TEDC2: variants seen among roughly 807,000 people sequenced by gnomAD.
The protein encoded by TEDC2 is tubulin epsilon and delta complex protein 2.
In TEDC2, 49 loss-of-function variants were observed where a neutral mutation model predicts 48.1. That is an observed-to-expected ratio of 1.02 (90% CI 0.81 to 1.29). TEDC2 has a LOEUF of 1.29. Ranked by LOEUF, TEDC2 falls within the 50% of genes most tolerant of loss-of-function variation. The probability of loss-of-function intolerance (pLI) is 0.00; values close to 1 mark genes in which losing one functional copy is unlikely to be tolerated. For missense variants in TEDC2, 631 were observed against 571.4 expected (o/e 1.10, Z -1.06); for synonymous variants, 299 against 247.1 (o/e 1.21, Z -1.97).
chr16:2,464,083 C>T lies in TEDC2; in HGVS notation c.1009C>T (p.Pro337Ser), dbSNP rs1482287033. 6.2e-6 allele frequency: 10 copies of T among 1,612,844 alleles called. No individual in the cohort carries two copies. Among genetic ancestry groups the T allele is most frequent in the Non-Finnish European group, 7.6e-6 (9 of 1,180,000 alleles). Residue 337 changes from proline (P) to serine (S), a missense_variant, in exon 9 of 10, where the codon CCC becomes TCC. By Grantham distance (74) the Pro-to-Ser change is moderately conservative. Coordinates refer to ENST00000361837, the MANE Select transcript of TEDC2 (RefSeq NM_025108.3). ...PPRPCPVGRP[P>S]GASPSCGGRA... is the part of the protein sequence containing the mutation. ...AAGACCATGTCCTGTGGGGAGGCCC[C>T]CCGGAGCCTCGCCGTCCTGTGGGGG...
rs2065490775 is a variant in TEDC2 at position 2,464,839 on chromosome 16, C to T, written c.*171C>T. 1.1e-6 allele frequency: 1 copy of T among 938,210 alleles called. No homozygotes were observed. The highest frequency in any genetic ancestry group is 2.7e-5 in the Admixed American group (1 of 36,380). The allele number at this position is 938,210 out of a possible 1,614,324, so 58.1% of individuals were successfully genotyped here. On this transcript the variant is annotated 3_prime_UTR_variant, in exon 10 of 10. Coordinates refer to ENST00000361837, the MANE Select transcript of TEDC2 (RefSeq NM_025108.3). ...AACTAAGCCTGCTGGTCAGGGCTGG[C>T]TTTCAGCCTTCCTAAGGCTCCTGGA...
Position 2,460,112 on chromosome 16 carries a change from G to A in TEDC2, c.-33G>A, listed in dbSNP as rs982787748. 4.5e-6 allele frequency: 6 copies of A among 1,347,848 alleles called. No individual in the cohort carries two copies. In the African/African-American group the frequency reaches 6.2e-5, roughly 14 times the overall value. The allele number at this position is 1,347,848 out of a possible 1,614,324, so 83.5% of individuals were successfully genotyped here. ...CCCGGAAGGGGCGTGGCTCTTCAGAGGCGGCAAATTGCAAGGAGACGCCGC... is the reference window on the plus strand; with the variant it reads ...CCCGGAAGGGGCGTGGCTCTTCAGAAGCGGCAAATTGCAAGGAGACGCCGC... On this transcript the variant is annotated 5_prime_UTR_variant, in exon 1 of 10. Transcript: ENST00000361837.
chr16:2,462,481 G>A lies in TEDC2; in HGVS notation c.817G>A (p.Ala273Thr), dbSNP rs369223580. Residue 273 changes from alanine (A) to threonine (T), a missense_variant, in exon 7 of 10, where the codon GCC (alanine) becomes ACC (threonine). By Grantham distance (58) the Ala-to-Thr change is moderately conservative (BLOSUM62 0). Transcript: ENST00000361837. ...VEAEAGRLRKACSLLRLRMRE... is the reference protein window; with the variant it reads ...VEAEAGRLRKTCSLLRLRMRE... Reference sequence around the variant, plus strand: ...GGCGGAGGCGGGGCGCCTGCGGAAGGCCTGCTCGCTGCTGAGACTGCGCAT... The same window carrying A: ...GGCGGAGGCGGGGCGCCTGCGGAAGACCTGCTCGCTGCTGAGACTGCGCAT... 27 of 1,610,236 alleles carry A rather than the reference G, an allele frequency of 1.7e-5. No homozygotes were observed. In the African/African-American group the frequency reaches 1.9e-4, roughly 11 times the overall value.
At chr16:2,464,306 C>A in intron 9 of TEDC2, 77 bp downstream of exon 9, 1 of 1,519,980 alleles carries the variant, frequency 6.6e-7, no homozygotes, top group Non-Finnish European at 8.9e-7. Context: ...CTTGACTGCT[C>A]CACCCCCCAG....
At chr16:2,464,497 T>C in intron 9 of TEDC2, 25 bp from the exon 10 acceptor site, 1 of 1,534,586 alleles carries the variant, frequency 6.5e-7, no homozygotes, top group Non-Finnish European at 8.7e-7. Flanking sequence ...CCTGAGACCT[T>C]GGCCCTGCCC....
chr16:2,462,413 A>G lies in TEDC2; in HGVS notation c.751-2A>G. On this transcript the variant is annotated splice_acceptor_variant, in intron 6 of 9. Coordinates refer to ENST00000361837, the MANE Select transcript of TEDC2 (RefSeq NM_025108.3). LOFTEE classifies it high-confidence loss of function. ...AGGGAAGTTTTCCTGACCCATATCC[A>G]GTCAGGCGGGCCCCAGCCCAGGCTC... 6.2e-7 allele frequency: 1 copy of G among 1,611,984 alleles called. No individual in the cohort carries two copies. Among genetic ancestry groups the G allele is most frequent in the Non-Finnish European group, 8.5e-7 (1 of 1,179,738 alleles).
In TEDC2 at chr16:2,460,278, C is replaced by T; in HGVS notation, c.27-5C>T. The T allele has an allele frequency of 1.3e-6, 2 of 1,524,866 alleles. No individual in the cohort carries two copies. The highest frequency in any genetic ancestry group is 1.2e-5 in the South Asian group (1 of 82,794). 94.5% of individuals were successfully genotyped at this position (1,524,866 alleles called of 1,614,324 possible). On this transcript the variant is annotated splice_polypyrimidine_tract_variant and splice_region_variant and intron_variant, in intron 1 of 9. Transcript: ENST00000361837. ...GAGGTGCTGAGCCGCCGGTGCGTCCCCCAGGCTGGTGGCCGAGCTGCAGGG... is the reference window on the plus strand; with the variant it reads ...GAGGTGCTGAGCCGCCGGTGCGTCCTCCAGGCTGGTGGCCGAGCTGCAGGG...
chr16:2,464,075 G>A lies in TEDC2; in HGVS notation c.1001G>A (p.Gly334Glu). The stretch of plus-strand genomic sequence containing the variant: ...CAGCCACCAAGACCATGTCCTGTGG[G>A]GAGGCCCCCCGGAGCCTCGCCGTCC... ...AEQPPRPCPV[G>E]RPPGASPSCG... is the part of the protein sequence containing the mutation. The change falls in exon 9 of 10, where the codon GGG (glycine) becomes GAG (glutamate). Residue 334 changes from glycine to glutamate, a missense_variant. Gly to Glu is a moderately conservative substitution (Grantham distance 98, BLOSUM62 -2). Coordinates refer to ENST00000361837, the MANE Select transcript of TEDC2 (RefSeq NM_025108.3). 6.2e-7 allele frequency: 1 copy of A among 1,612,854 alleles called. No homozygotes were observed. The highest frequency in any genetic ancestry group is 8.5e-7 in the Non-Finnish European group (1 of 1,179,992).
At chr16:2,462,052 C>T (rs2065470178) in intron 5 of TEDC2, 97 bp from the exon 6 acceptor site, 1 of 1,386,180 alleles carries the variant, frequency 7.2e-7, no homozygotes, top group Admixed American at 1.9e-5. Context: ...CTGGGGTCCC[C>T]ACCCTGGCCC....
Position 2,460,184 on chromosome 16 carries a change from G to T in TEDC2, c.26+14G>T. 7.2e-7 allele frequency: 1 copy of T among 1,396,356 alleles called. No individual in the cohort carries two copies. Among genetic ancestry groups the T allele is most frequent in the Non-Finnish European group, 9.2e-7 (1 of 1,087,824 alleles). The allele number at this position is 1,396,356 out of a possible 1,614,324, so 86.5% of individuals were successfully genotyped here. On this transcript the variant is annotated intron_variant, in intron 1 of 9. Coordinates refer to ENST00000361837, the MANE Select transcript of TEDC2 (RefSeq NM_025108.3). ...CTGCTCGCGCCGGTGAGGCCTGCGC[G>T]GCAGGAGGGGGTGGGAGGATGCGGG...
rs752138630 is a variant in TEDC2, at chr16:2,462,131, C to T, written c.660-18C>T. 7 of 1,605,928 alleles carry T rather than the reference C, an allele frequency of 4.4e-6. No individual in the cohort carries two copies. The highest frequency in any genetic ancestry group is 2.2e-5 in the South Asian group (2 of 90,954). Reference sequence around the variant, plus strand: ...GTCCCTCTGTGGTTCCTCTGTGCACCCCACGTGTGCACCCCAGCCTGTGGG... The same window carrying T: ...GTCCCTCTGTGGTTCCTCTGTGCACTCCACGTGTGCACCCCAGCCTGTGGG... On this transcript the variant is annotated intron_variant, in intron 5 of 9. Coordinates refer to ENST00000361837, the MANE Select transcript of TEDC2 (RefSeq NM_025108.3).
At chr16:2,463,852 C>T (rs923984509) in intron 8 of TEDC2, 187 bp from the exon 9 acceptor site, 1 of 620,956 alleles carries the variant, frequency 1.6e-6, no homozygotes, top group East Asian at 2.8e-5. Flanking sequence ...AGGGCCACCC[C>T]ACAGAGGACT....
rs753843667 is a variant in TEDC2 at position 2,461,389 on chromosome 16, G to T, written c.605+165G>T. The T allele has an allele frequency of 5.0e-6, 5 of 1,003,236 alleles. No homozygotes were observed. The East Asian group carries it at 1.4e-4, about 28-fold the overall frequency. The allele number at this position is 1,003,236 out of a possible 1,614,324, so 62.1% of individuals were successfully genotyped here. ...AGCTGGCAGAATGAAGCAGCTGTGT[G>T]GTGGTGTCCAGGTTGGCACCATCAG... is the stretch of plus-strand genomic sequence containing the variant. On this transcript the variant is annotated intron_variant, in intron 4 of 9. Coordinates refer to ENST00000361837, the MANE Select transcript of TEDC2 (RefSeq NM_025108.3).
At position 2,460,974 on chromosome 16, in the gene TEDC2, G is replaced by A. The variant is rs747346911; in HGVS notation, c.355G>A (p.Ala119Thr). The change falls in exon 4 of 10, where the codon GCC (alanine) becomes ACC (threonine). Residue 119 changes from alanine to threonine, a missense_variant. Physicochemically the swap from Ala to Thr is moderately conservative, Grantham distance 58. Coordinates refer to ENST00000361837, the MANE Select transcript of TEDC2 (RefSeq NM_025108.3). ...CATTGTCACCTCTTCTGGCACGACAGCCTCCGCCCCACCGCATTCCCCAGG... is the reference window on the plus strand; with the variant it reads ...CATTGTCACCTCTTCTGGCACGACAACCTCCGCCCCACCGCATTCCCCAGG... ...RSIVTSSGTTASAPPHSPGQA... is the reference protein window; with the variant it reads ...RSIVTSSGTTTSAPPHSPGQA... 1.2e-6 allele frequency: 2 copies of A among 1,613,272 alleles called. No individual in the cohort carries two copies. Among genetic ancestry groups the A allele is most frequent in the Admixed American group, 1.7e-5 (1 of 60,002 alleles).
chr16:2,462,100 A>ACC, intron 5 of TEDC2, 49 bp from the exon 6 acceptor site: 1 of 1,584,168 alleles, frequency 6.3e-7, no homozygotes, highest in Non-Finnish European at 8.6e-7. Flanking sequence ...TGGCTGGAAT[A>ACC]ACCGTGTCCC....
At chr16:2,460,230 G>GGGCCCGA in intron 1 of TEDC2, 53 bp from the exon 2 acceptor site, 10 of 1,469,234 alleles carry the variant, frequency 6.8e-6, no homozygotes, top group Non-Finnish European at 8.9e-6. Flanking sequence ...GCCAGGCGCG[G>GGGCCCGA]GGCCCGAGGC....
Position 2,461,207 on chromosome 16 carries a change from C to T in TEDC2, c.588C>T (p.Phe196=). 4 of 1,486,368 alleles carry T rather than the reference C, an allele frequency of 2.7e-6. No homozygotes were observed. Among genetic ancestry groups the T allele is most frequent in the Non-Finnish European group, 2.7e-6 (3 of 1,118,388 alleles). 92.1% of individuals were successfully genotyped at this position (1,486,368 alleles called of 1,614,324 possible). A position where few individuals can be genotyped will look rare whatever the true frequency, so the allele number is the denominator to read the frequency against. The change falls in exon 4 of 10, where the codon TTC becomes TTT. Residue 196 remains phenylalanine, a synonymous_variant. Coordinates refer to ENST00000361837, the MANE Select transcript of TEDC2 (RefSeq NM_025108.3). ...CTGCTCCTCAGGCCCCAGAAGCCTT[C>T]ACACTCAAGGAGAAGGGGTAGGTTT... is the stretch of plus-strand genomic sequence containing the variant. ...PSAAPQAPEA[F]TLKEKGHLLR...
chr16:2,460,406 C>A (rs1341752893), intron 2 of TEDC2, 25 bp downstream of exon 2: 1 of 1,543,784 alleles, frequency 6.5e-7, no homozygotes, highest in Non-Finnish European at 8.7e-7. Context: ...GACCCACTGG[C>A]CAGACCTCCC....
Position 2,464,822 on chromosome 16 carries a change from C to A in TEDC2, c.*154C>A. 9.1e-7 allele frequency: 1 copy of A among 1,098,338 alleles called. No homozygotes were observed. Among genetic ancestry groups the A allele is most frequent in the Non-Finnish European group, 1.3e-6 (1 of 775,340 alleles). The allele number at this position is 1,098,338 out of a possible 1,614,324, so 68.0% of individuals were successfully genotyped here. A position where few individuals can be genotyped will look rare whatever the true frequency, so the allele number is the denominator to read the frequency against. On this transcript the variant is annotated 3_prime_UTR_variant, in exon 10 of 10. Coordinates refer to ENST00000361837, the MANE Select transcript of TEDC2 (RefSeq NM_025108.3). ...CTGGCTCTTCTCAGGACAACTAAGC[C>A]TGCTGGTCAGGGCTGGCTTTCAGCC...
Sources: allele counts gnomAD v4.1 joint callset, GRCh38; gene constraint gnomAD v4.1.1; transcripts MANE v1.5; gene names NCBI Gene and HGNC (gene_info 2026-07-23, HGNC 2026-07-21).